The following TMPRSS11D variants were observed in gnomAD, a reference collection of about 807,000 sequenced individuals.
TMPRSS11D encodes the protein transmembrane protease serine 11D.
TMPRSS11D carries 32 observed loss-of-function variants against 44.4 expected under a neutral mutation model. The observed-to-expected ratio is 0.72, with a 90% CI of 0.54 to 0.97. The LOEUF is 0.97. TMPRSS11D is among the 50% of genes least tolerant of loss of function. The probability of loss-of-function intolerance (pLI) is 0.00; values close to 1 mark genes in which losing one functional copy is unlikely to be tolerated. For missense variants in TMPRSS11D, 446 were observed against 502.6 expected, an observed-to-expected ratio of 0.89 and a Z score of 1.08; for synonymous variants, 179 against 177.9, an observed-to-expected ratio of 1.01 and a Z score of -0.05.
chr4:67,827,807 A>G (rs182213579), intron 7 of TMPRSS11D, among the ~76,000 whole-genome samples: 135 of 152,250 alleles, frequency 8.9e-4, no homozygotes, highest in African/African-American at 2.9e-3. Context: ...GATAAGTAGC[A>G]TAACACAAAT....
At chr4:67,832,501 T>C (rs745306187) in intron 7 of TMPRSS11D, among the ~76,000 whole-genome samples, 2 of 152,004 alleles carry the variant, frequency 1.3e-5, no homozygotes, top group South Asian at 2.1e-4. Context: ...CACCCTAGTG[T>C]TGGCAATAGT....
intron 1 of TMPRSS11D, among the ~76,000 whole-genome samples, chr4:67,864,862 C>CATA (rs1286278541): frequency 5.3e-5 from 8 of 151,778 alleles, no homozygotes; most frequent in Non-Finnish European, 1.2e-4. Context: ...CTAGAGCACC[C>CATA]ATATTCATAA....
chr4:67,844,502 A>G (rs4561973), intron 3 of TMPRSS11D, among the ~76,000 whole-genome samples: 108,341 of 152,068 alleles, frequency 0.71, 41,013 homozygotes, highest in Middle Eastern at 0.84. Context: ...GGCCAGGCAC[A>G]GTGGCTCACA....
intron 1 of TMPRSS11D, among the ~76,000 whole-genome samples, chr4:67,867,612 G>T (rs1156308621): frequency 1.3e-5 from 2 of 151,984 alleles, no homozygotes; most frequent in Non-Finnish European, 2.9e-5. Context: ...AATCTATAAG[G>T]AACTCAAATA....
intron 5 of TMPRSS11D, 77 bp from the exon 6 acceptor site, chr4:67,835,198 A>G: frequency 2.3e-6 from 3 of 1,324,918 alleles, no homozygotes; most frequent in South Asian, 2.5e-5. Flanking sequence ...AAAGTACAGT[A>G]CCCAGACAAC....
chr4:67,847,373 C>T (rs917851944), intron 3 of TMPRSS11D, among the ~76,000 whole-genome samples: 2 of 152,210 alleles, frequency 1.3e-5, no homozygotes, highest in Admixed American at 1.3e-4. Context: ...CATTATCTTA[C>T]TGTTCATTAC....
intron 3 of TMPRSS11D, among the ~76,000 whole-genome samples, chr4:67,842,856 G>T (rs1194134501): frequency 1.3e-5 from 2 of 152,132 alleles, no homozygotes; most frequent in African/African-American, 2.4e-5. Context: ...GGACAGGCTG[G>T]TTTTTTGCTA....
Position 67,837,921 on chromosome 4 carries a change from A to C in TMPRSS11D, c.475+251T>G, listed in dbSNP as rs187109306. The C allele has an allele frequency of 3.1e-3, 914 of 297,078 alleles. 11 individuals carry two copies. The highest frequency in any genetic ancestry group is 0.018 in the African/African-American group (845 of 46,068). 18.4% of individuals were successfully genotyped at this position (297,078 alleles called of 1,614,324 possible). ...ACATCTGACAGTAACATCACTCATAAGGAATGTTGCAGGGATAATTAATGA... is the reference window on the plus strand; with the variant it reads ...ACATCTGACAGTAACATCACTCATACGGAATGTTGCAGGGATAATTAATGA... On this transcript the variant is annotated intron_variant, in intron 5 of 9. Transcript: ENST00000283916.
chr4:67,883,900 G>A (rs55766746), intron 1 of TMPRSS11D, 26 bp downstream of exon 1: 119,621 of 1,583,292 alleles, frequency 0.076, 5,343 homozygotes, highest in African/African-American at 0.18. Flanking sequence ...AACTTTTAAA[G>A]CTACAAAGAC....
At chr4:67,863,591 C>A (rs1179730254) in intron 1 of TMPRSS11D, among the ~76,000 whole-genome samples, 1 of 151,922 alleles carries the variant, frequency 6.6e-6, no homozygotes, top group Non-Finnish European at 1.5e-5. Context: ...GTGTTTAATT[C>A]CTACATCATA....
chr4:67,878,122 A>G (rs78866606), intron 1 of TMPRSS11D, among the ~76,000 whole-genome samples: 3,654 of 152,306 alleles, frequency 0.024, 127 homozygotes, highest in African/African-American at 0.081. Flanking sequence ...GATTCTTAAT[A>G]TAGTCTTCAA....
intron 5 of TMPRSS11D, among the ~76,000 whole-genome samples, chr4:67,835,882 A>G (rs1718071658): frequency 6.6e-6 from 1 of 152,092 alleles, no homozygotes; most frequent in Non-Finnish European, 1.5e-5. Context: ...TGTTTAGGGA[A>G]ATGGAGGGTG....
At chr4:67,875,852 C>G (rs1341608241) in intron 1 of TMPRSS11D, among the ~76,000 whole-genome samples, 1 of 152,168 alleles carries the variant, frequency 6.6e-6, no homozygotes, top group Non-Finnish European at 1.5e-5. Flanking sequence ...AAAGCAAGCA[C>G]TGACTGATTT....
chr4:67,840,692 A>C (rs1158233554), intron 4 of TMPRSS11D, among the ~76,000 whole-genome samples: 2 of 152,212 alleles, frequency 1.3e-5, no homozygotes, highest in Non-Finnish European at 2.9e-5. Context: ...TGTAACACAA[A>C]GGATAAATGC....
chr4:67,835,742 T>C lies in TMPRSS11D; in HGVS notation c.476-621A>G, dbSNP rs144681473. Reference sequence around the variant, plus strand: ...TAGCATCTGCACTGTATTTTGAAGATCTGAAAGGAATTTTTCAGGCACACA... The same window carrying C: ...TAGCATCTGCACTGTATTTTGAAGACCTGAAAGGAATTTTTCAGGCACACA... On this transcript the variant is annotated intron_variant, in intron 5 of 9. Coordinates refer to ENST00000283916, the MANE Select transcript of TMPRSS11D (RefSeq NM_004262.3). Among the ~76,000 whole-genome samples the C allele has an allele frequency of 1.2e-3, 176 of 152,236 alleles. 7 individuals carry two copies. In the East Asian group the frequency reaches 0.024, roughly 21 times the overall value.
At chr4:67,864,960 A>G (rs1718884182) in intron 1 of TMPRSS11D, among the ~76,000 whole-genome samples, 1 of 151,964 alleles carries the variant, frequency 6.6e-6, no homozygotes, top group South Asian at 2.1e-4. Flanking sequence ...TAGACAGATC[A>G]TCGAGACAGA....
chr4:67,835,702 T>A (rs72643661), intron 5 of TMPRSS11D, among the ~76,000 whole-genome samples: 1,959 of 152,216 alleles, frequency 0.013, 13 homozygotes, highest in Non-Finnish European at 0.017. Context: ...GAGATAATAT[T>A]TGAGCTAGAA....
Position 67,823,195 on chromosome 4 carries a change from A to C in TMPRSS11D, c.1096-697T>G, listed in dbSNP as rs78377572. Among the ~76,000 whole-genome samples the C allele has an allele frequency of 9.7e-4, 148 of 152,212 alleles. 3 individuals are homozygous for C. The South Asian group carries it at 0.025, about 25-fold the overall frequency. ...TCTCACTTATCTTCCTAACCTTAGC[A>C]CCCTGCGTGGTGTCTGATGCATAGT... On this transcript the variant is annotated intron_variant, in intron 9 of 9. Transcript: ENST00000283916.
intron 1 of TMPRSS11D, among the ~76,000 whole-genome samples, chr4:67,870,160 A>G (rs1431053468): frequency 1.3e-5 from 2 of 152,204 alleles, no homozygotes; most frequent in Non-Finnish European, 2.9e-5. Context: ...TATAGTGAAC[A>G]TGTTTATTAG....
Sources: allele counts gnomAD v4.1 joint callset (sites outside exome capture counted in the v4.1 genomes callset), GRCh38; gene constraint gnomAD v4.1.1; transcripts MANE v1.5; gene names NCBI Gene and HGNC (gene_info 2026-07-23, HGNC 2026-07-21).